ESS2: variants seen among roughly 807,000 people sequenced by gnomAD.
ESS2 encodes ess-2 spliceosome associated protein.
Under a neutral mutation model 52.0 loss-of-function variants are expected in ESS2, and 31 were observed. The observed-to-expected ratio is 0.60, with a 90% CI of 0.45 to 0.81. The LOEUF (loss-of-function observed/expected upper bound fraction) is 0.81. ESS2 is among the 30% of genes least tolerant of loss of function. ESS2 has a pLI of 0.00. For synonymous variants in ESS2, 285 were observed against 259.2 expected (o/e 1.10, Z -0.95); for missense variants, 602 against 637.2 (o/e 0.94, Z 0.59).
At position 19,134,410 on chromosome 22, in the gene ESS2, G is replaced by T. The variant is rs766875280; in HGVS notation, c.1217C>A (p.Ala406Asp). The change falls in exon 10 of 10, where the codon GCC (alanine) becomes GAC (aspartate). Residue 406 changes from alanine (A) to aspartate (D), a missense_variant. Transcript: ENST00000252137. ...PALQRLVSRT[A>D]SKYTDRALRA... ...CAGGGCCCGGTCTGTGTACTTGCTG[G>T]CCGTCCTGCTCACAAGGCGCTGTAG... 6.2e-7 allele frequency: 1 copy of T among 1,608,334 alleles called. No homozygotes were observed. The highest frequency in any genetic ancestry group is 8.5e-7 in the Non-Finnish European group (1 of 1,177,188).
chr22:19,136,090 A>G (rs1001564102), intron 8 of ESS2, among the ~76,000 whole-genome samples: 1 of 150,258 alleles, frequency 6.7e-6, no homozygotes, highest in African/African-American at 2.5e-5. Context: ...CTGTAATCCC[A>G]GCACTTTGGG....
chr22:19,136,126 T>G (rs896656003), intron 8 of ESS2, among the ~76,000 whole-genome samples: 4 of 147,764 alleles, frequency 2.7e-5, no homozygotes, highest in African/African-American at 1.0e-4. Context: ...GATCACGAGG[T>G]CAGGAGTTCG....
chr22:19,142,728 G>T lies in ESS2; in HGVS notation c.302C>A (p.Pro101His). Reference sequence around the variant, plus strand: ...CGCCACCCACAGGGTCCTCATACAGGGTGGCGGGGGCTCCCGGGACATCTT... The same window carrying T: ...CGCCACCCACAGGGTCCTCATACAGTGTGGCGGGGGCTCCCGGGACATCTT... ...LGKMSREPPP[P>H]YVTPATFETP... The change falls in exon 2 of 10, where the codon CCC (proline) becomes CAC (histidine). Residue 101 changes from proline to histidine, a missense_variant and splice_region_variant. Physicochemically the swap from Pro to His is moderately conservative, Grantham distance 77. Coordinates refer to ENST00000252137, the MANE Select transcript of ESS2 (RefSeq NM_022719.3). 1 of 1,613,740 alleles carries T rather than the reference G, an allele frequency of 6.2e-7. No homozygotes were observed. The highest frequency in any genetic ancestry group is 8.5e-7 in the Non-Finnish European group (1 of 1,179,798).
chr22:19,137,245 A>G, intron 8 of ESS2, 78 bp downstream of exon 8: 1 of 1,035,974 alleles, frequency 9.7e-7, no homozygotes, highest in Non-Finnish European at 1.4e-6. Flanking sequence ...CCCAGTGCTC[A>G]GTCCTGAGCC....
rs773829984 is a variant in ESS2, at chr22:19,139,205, G to A, written c.776C>T (p.Ala259Val). ...TRFLRDPFSQ[A>V]LSRCQLQQAA... ...CTGCTGGAGCTGGCACCTGCTCAGG[G>A]CTTGGCTGAAGGGGTCCCTAAGGAA... Residue 259 changes from alanine to valine, a missense_variant, in exon 6 of 10, where the codon GCC becomes GTC. Coordinates refer to ENST00000252137, the MANE Select transcript of ESS2 (RefSeq NM_022719.3). 6.2e-7 allele frequency: 1 copy of A among 1,607,444 alleles called. No homozygotes were observed. The highest frequency in any genetic ancestry group is 8.5e-7 in the Non-Finnish European group (1 of 1,176,764).
In ESS2 at chr22:19,134,344, A is replaced by G; in HGVS notation, c.1283T>C (p.Leu428Pro). 1 of 1,611,636 alleles carries G rather than the reference A, an allele frequency of 6.2e-7. No individual in the cohort carries two copies. Among genetic ancestry groups the G allele is most frequent in the East Asian group, 2.2e-5 (1 of 44,736 alleles). The change falls in exon 10 of 10, where the codon CTC (leucine) becomes CCC (proline). Residue 428 changes from leucine to proline, a missense_variant. Transcript: ENST00000252137. ...CTGCAGCCCACTGGCCGGGGTCTTG[A>G]GGTGGGTGGAGCGTGCTGGGGATGG... is the stretch of plus-strand genomic sequence containing the variant. Reference protein sequence around the residue: ...YTPSPARSTHLKTPASGLQTP... With the variant: ...YTPSPARSTHPKTPASGLQTP...
chr22:19,134,298 C>A lies in ESS2; in HGVS notation c.1329G>T (p.Ala443=). 6.2e-7 allele frequency: 1 copy of A among 1,601,606 alleles called. No homozygotes were observed. The change falls in exon 10 of 10, where the codon GCG becomes GCT. Residue 443 remains alanine (A), a synonymous_variant. Transcript: ENST00000252137. The part of the protein sequence containing the change: ...SGLQTPTSTP[A]PGSATRTPLT... ...GAGGGGTGCGTGTGGCAGAGCCAGG[C>A]GCCGGTGTGCTTGTGGGGGTCTGCA...
At position 19,134,313 on chromosome 22, in the gene ESS2, G is replaced by A. The variant is rs776455586; in HGVS notation, c.1314C>T (p.Pro438=). The A allele has an allele frequency of 1.2e-6, 2 of 1,608,844 alleles. No individual in the cohort carries two copies. The highest frequency in any genetic ancestry group is 1.3e-5 in the African/African-American group (1 of 74,780). ...LKTPASGLQT[P]TSTPAPGSAT... is the part of the protein sequence containing the mutation. The stretch of plus-strand genomic sequence containing the variant: ...CAGAGCCAGGCGCCGGTGTGCTTGT[G>A]GGGGTCTGCAGCCCACTGGCCGGGG... The change falls in exon 10 of 10, where the codon CCC becomes CCT. Residue 438 remains proline, a synonymous_variant. Transcript: ENST00000252137.
rs1052763 is a variant in ESS2, at chr22:19,132,238, C to T, written c.*1958G>A. 0.2 allele frequency: 320,832 copies of T among 1,611,380 alleles called. 34,156 individuals carry two copies. The highest frequency in any genetic ancestry group is 0.32 in the African/African-American group (24,314 of 74,862). On this transcript the variant is annotated 3_prime_UTR_variant, in exon 10 of 10. Transcript: ENST00000252137. This position sits in a 1 kb window ranked among gnomAD's most constrained non-coding sequence, Gnocchi z 4.2. ...CTGCAGCCCCCCAAGCCCAAAGCCA[C>T]GTCTTCTGCCTCCTTCAAGAGGGAG...
rs1389708591 is a variant in ESS2 at position 19,132,062 on chromosome 22, C to T, written c.*2134G>A. The stretch of plus-strand genomic sequence containing the variant: ...CCATGCCCTATGACGACTCCGACAT[C>T]AGGAAGATGCTGCGTATCCAGAAGG... On this transcript the variant is annotated 3_prime_UTR_variant, in exon 10 of 10. Transcript: ENST00000252137. This position sits in a 1 kb window ranked among gnomAD's most constrained non-coding sequence, Gnocchi z 4.2. 2.5e-6 allele frequency: 4 copies of T among 1,614,008 alleles called. No individual in the cohort carries two copies. Among genetic ancestry groups the T allele is most frequent in the South Asian group, 2.2e-5 (2 of 91,074 alleles).
In ESS2 at chr22:19,139,149, GCCTGCTCA is replaced by G. The variant is rs1012218481; in HGVS notation, c.822+2_822+9del. 7 of 1,581,266 alleles carry G rather than the reference GCCTGCTCA, an allele frequency of 4.4e-6. No individual in the cohort carries two copies. Among genetic ancestry groups the G allele is most frequent in the Admixed American group, 1.8e-5 (1 of 55,738 alleles). On this transcript the variant is annotated splice_donor_variant and splice_donor_5th_base_variant and intron_variant, in intron 6 of 9. Coordinates refer to ENST00000252137, the MANE Select transcript of ESS2 (RefSeq NM_022719.3). LOFTEE classifies it high-confidence loss of function. Reference sequence around the variant, plus strand: ...CTGGCCCATGCGGCCCTGCTGACCCGCCTGCTCACCTGGGCATTGAGGGCGGCTGCCTG... The same window carrying G: ...CTGGCCCATGCGGCCCTGCTGACCCGCCTGGGCATTGAGGGCGGCTGCCTG...
At chr22:19,136,274 ATCACTT>A (rs2083580627) in intron 8 of ESS2, among the ~76,000 whole-genome samples, 1 of 141,602 alleles carries the variant, frequency 7.1e-6, no homozygotes, top group African/African-American at 2.6e-5. Context: ...AGGCAGGAGA[ATCACTT>A]GAACCCAAAA....
At chr22:19,143,945 G>T in intron 1 of ESS2, 3 of 696,446 alleles carry the variant, frequency 4.3e-6, no homozygotes, top group Non-Finnish European at 5.3e-6. Flanking sequence ...TGCACCTCCA[G>T]CCAGACCTTG....
chr22:19,144,558 G>A lies in ESS2; in HGVS notation c.83C>T (p.Ala28Val), dbSNP rs1433805214. Reference protein sequence around the residue: ...RPPRKREAGEAGAATSKQRVL... With the variant: ...RPPRKREAGEVGAATSKQRVL... ...CCGCTGCTTGCTCGTCGCAGCCCCA[G>A]CCTCTCCCGCCTCGCGCTTCCTCGG... The change falls in exon 1 of 10, where the codon GCT (alanine) becomes GTT (valine). Residue 28 changes from alanine (A) to valine (V), a missense_variant. Physicochemically the swap from Ala to Val is moderately conservative, Grantham distance 64. Coordinates refer to ENST00000252137, the MANE Select transcript of ESS2 (RefSeq NM_022719.3). The A allele has an allele frequency of 1.2e-6, 2 of 1,607,958 alleles. No individual in the cohort carries two copies. The highest frequency in any genetic ancestry group is 1.7e-6 in the Non-Finnish European group (2 of 1,176,930).
chr22:19,138,362 G>A (rs372397486), intron 6 of ESS2, 45 bp from the exon 7 acceptor site: 36 of 1,563,674 alleles, frequency 2.3e-5, no homozygotes, highest in African/African-American at 8.1e-5. Flanking sequence ...CGCAGCCCAC[G>A]CTCGACAGCT....
Position 19,142,781 on chromosome 22 carries a change from A to C in ESS2, c.249T>G (p.Ile83Met). ...CCAAGGCAGAGCCAAACTTGATGGC[A>C]ATCTGGCGCATCCGTTCCAAGTCTC... ...ENGDLERMRQ[I>M]AIKFGSALGK... is the part of the protein sequence containing the mutation. Residue 83 changes from isoleucine to methionine, a missense_variant, in exon 2 of 10, where the codon ATT (isoleucine) becomes ATG (methionine). Physicochemically the swap from Ile to Met is conservative, Grantham distance 10. Transcript: ENST00000252137. 6.2e-7 allele frequency: 1 copy of C among 1,614,168 alleles called. No homozygotes were observed. The highest frequency in any genetic ancestry group is 8.5e-7 in the Non-Finnish European group (1 of 1,180,046).
intron 3 of ESS2, among the ~76,000 whole-genome samples, chr22:19,141,753 C>T (rs968481449): frequency 5.3e-5 from 8 of 152,066 alleles, no homozygotes; most frequent in East Asian, 1.9e-4. Context: ...TTTGGGGGGC[C>T]GAGGCAGACA....
chr22:19,144,588 C>T lies in ESS2; in HGVS notation c.53G>A (p.Arg18Lys), dbSNP rs781727502. 6.2e-7 allele frequency: 1 copy of T among 1,600,160 alleles called. No homozygotes were observed. The highest frequency in any genetic ancestry group is 8.5e-7 in the Non-Finnish European group (1 of 1,172,478). Residue 18 changes from arginine (R) to lysine (K), a missense_variant, in exon 1 of 10, where the codon AGG becomes AAG. By Grantham distance (26) the Arg-to-Lys change is conservative (BLOSUM62 2). Coordinates refer to ENST00000252137, the MANE Select transcript of ESS2 (RefSeq NM_022719.3). ...ASSLLLPAAS[R>K]PPRKREAGEA... ...TCCCGCCTCGCGCTTCCTCGGGGGC[C>T]TGGACGCGGCGGGAAGCAACAAGGA...
At position 19,131,234 on chromosome 22, in the gene ESS2, T is replaced by C. The variant is rs1601336101; in HGVS notation, c.*2962A>G. On this transcript the variant is annotated 3_prime_UTR_variant, in exon 10 of 10. Coordinates refer to ENST00000252137, the MANE Select transcript of ESS2 (RefSeq NM_022719.3). The surrounding 1 kb of genome is among the most constrained non-coding windows in gnomAD (Gnocchi z 5.7). ...CCCACTCCTTGGCTTTATGAGTTCA[T>C]TGGCTGAAGTCACCCGGAGACAATG... The C allele has an allele frequency of 1.1e-5, 7 of 621,158 alleles. No individual in the cohort carries two copies. The highest frequency in any genetic ancestry group is 2.0e-5 in the South Asian group (1 of 49,194). 38.5% of individuals were successfully genotyped at this position (621,158 alleles called of 1,614,324 possible).
Sources: allele counts gnomAD v4.1 joint callset (sites outside exome capture counted in the v4.1 genomes callset), GRCh38; gene constraint gnomAD v4.1.1; non-coding constraint Gnocchi (gnomAD v3.1); transcripts MANE v1.5; gene names NCBI Gene and HGNC (gene_info 2026-07-23, HGNC 2026-07-21).